C3orf20: variants seen among roughly 807,000 people sequenced by gnomAD.
C3orf20 encodes family with sequence similarity 149 member C.
In C3orf20, 76 loss-of-function variants were observed where a neutral mutation model predicts 88.3. The ratio of observed to expected loss-of-function variants is 0.86; its 90% CI spans 0.72 to 1.04. The LOEUF (loss-of-function observed/expected upper bound fraction) is 1.04. Ranked by LOEUF, C3orf20 falls within the 50% of genes least tolerant of loss-of-function variation. The pLI is 0.00. For synonymous variants in C3orf20, 436 were observed against 437.4 expected (o/e 1.00, Z 0.04); for missense variants, 1,056 against 1,123.3 (o/e 0.94, Z 0.86).
intron 9 of C3orf20, among the ~76,000 whole-genome samples, chr3:14,720,407 G>A (rs2034111384): frequency 6.6e-6 from 1 of 152,148 alleles, no homozygotes; most frequent in African/African-American, 2.4e-5. Flanking sequence ...GTGCTTTCAG[G>A]GTGCTGGAGG....
At chr3:14,767,580 G>A (rs2035749996) in intron 15 of C3orf20, 1 of 152,278 alleles carries the variant, frequency 6.6e-6, no homozygotes, top group Non-Finnish European at 1.5e-5. Context: ...ATGACAAAGT[G>A]TTCCTTAAAC....
chr3:14,704,610 C>G lies in C3orf20; in HGVS notation c.1152C>G (p.Ser384=), dbSNP rs144925116. The part of the protein sequence containing the change: ...KFHYTFYDGS[S]FVYYPSGNVA... ...ATTACACCTTCTATGATGGCTCCTC[C>G]TTCGTTTAGTATCCTTTTATTTGGT... The change falls in exon 7 of 17, where the codon TCC becomes TCG. Residue 384 remains serine (S), a synonymous_variant. Transcript: ENST00000253697. The G allele has an allele frequency of 1.4e-4, 226 of 1,613,346 alleles. 1 individual carries two copies. In the African/African-American group the frequency reaches 2.7e-3, roughly 20 times the overall value.
chr3:14,767,789 G>A (rs1356117839), intron 15 of C3orf20, among the ~76,000 whole-genome samples: 2 of 152,240 alleles, frequency 1.3e-5, no homozygotes, highest in Non-Finnish European at 2.9e-5. Flanking sequence ...ACTGCTGTGC[G>A]CCCTCACGGG....
rs1299839486 is a variant in C3orf20 at position 14,683,135 on chromosome 3, C to T, written c.422C>T (p.Ser141Phe). Residue 141 changes from serine (S) to phenylalanine (F), a missense_variant, in exon 3 of 17, where the codon TCC (serine) becomes TTC (phenylalanine). Coordinates refer to ENST00000253697, the MANE Select transcript of C3orf20 (RefSeq NM_032137.5). Reference protein sequence around the residue: ...QETLNRFQQQSIHLLTELLRL... With the variant: ...QETLNRFQQQFIHLLTELLRL... ...ACCCTGAACAGGTTTCAGCAGCAGT[C>T]CATCCACCTGCTGACGGAGCTCCTC... 1.2e-6 allele frequency: 2 copies of T among 1,613,694 alleles called. No homozygotes were observed. The highest frequency in any genetic ancestry group is 2.7e-5 in the African/African-American group (2 of 75,034).
chr3:14,675,690 G>GTTAT (rs113175157), intron 1 of C3orf20, among the ~76,000 whole-genome samples: 58 of 150,470 alleles, frequency 3.9e-4, no homozygotes, highest in African/African-American at 1.1e-3. Context: ...TTTTGTTTTT[G>GTTAT]TTATTTATTT....
At chr3:14,743,185 A>G (rs971628321) in intron 12 of C3orf20, among the ~76,000 whole-genome samples, 1 of 152,028 alleles carries the variant, frequency 6.6e-6, no homozygotes, top group Non-Finnish European at 1.5e-5. Context: ...AAAGCAAGCT[A>G]GCTACTTCCT....
intron 4 of C3orf20, among the ~76,000 whole-genome samples, chr3:14,684,868 C>T (rs1454034683): frequency 1.3e-5 from 2 of 152,160 alleles, no homozygotes; most frequent in East Asian, 3.9e-4. Context: ...GAAGCTCACA[C>T]ATGTTCCAGA....
At position 14,703,270 on chromosome 3, in the gene C3orf20, C is replaced by G; in HGVS notation, c.878+8C>G. The G allele has an allele frequency of 6.2e-7, 1 of 1,614,044 alleles. No individual in the cohort carries two copies. The highest frequency in any genetic ancestry group is 1.1e-5 in the South Asian group (1 of 91,084). On this transcript the variant is annotated splice_region_variant and intron_variant, in intron 6 of 16. Coordinates refer to ENST00000253697, the MANE Select transcript of C3orf20 (RefSeq NM_032137.5). ...GGAGTTGTGTCGCCACATGTGAGCA[C>G]CTCAGTGCTTGGGTCGGGGGAGTCA...
At chr3:14,744,579 G>A (rs1033207344) in intron 12 of C3orf20, among the ~76,000 whole-genome samples, 3 of 151,820 alleles carry the variant, frequency 2.0e-5, no homozygotes, top group African/African-American at 4.9e-5. Context: ...GTATTAGTTC[G>A]TTTTCACACT....
intron 12 of C3orf20, among the ~76,000 whole-genome samples, chr3:14,731,947 G>A (rs141904729): frequency 1.6e-4 from 24 of 152,308 alleles, no homozygotes; most frequent in African/African-American, 5.5e-4. Context: ...TGATAAAACT[G>A]CTATAAATAC....
intron 12 of C3orf20, among the ~76,000 whole-genome samples, chr3:14,740,366 A>G (rs570786748): frequency 2.8e-4 from 42 of 152,326 alleles, no homozygotes; most frequent in African/African-American, 8.9e-4. Flanking sequence ...ATATTTGTCA[A>G]TTAAGTTTGC....
At chr3:14,753,158 A>G (rs2035267436) in intron 12 of C3orf20, among the ~76,000 whole-genome samples, 1 of 152,258 alleles carries the variant, frequency 6.6e-6, no homozygotes, top group Non-Finnish European at 1.5e-5. Flanking sequence ...CTATGCAGCC[A>G]TAAAAAAGGA....
rs2034830724 is a variant in C3orf20, at chr3:14,739,348, C to CAGT, written c.1940+10662_1940+10664dup. On this transcript the variant is annotated intron_variant, in intron 12 of 16. Coordinates refer to ENST00000253697, the MANE Select transcript of C3orf20 (RefSeq NM_032137.5). ...GGTGACCAGGTGCATTGTCAATGAG[C>CAGT]AGTATTATTTTGAAAGGAATCTTTT... Among the ~76,000 whole-genome samples the CAGT allele has an allele frequency of 2.6e-5, 4 of 152,130 alleles. No homozygotes were observed. The South Asian group carries it at 8.3e-4, about 31-fold the overall frequency.
At chr3:14,744,037 T>C (rs944554756) in intron 12 of C3orf20, among the ~76,000 whole-genome samples, 1 of 152,100 alleles carries the variant, frequency 6.6e-6, no homozygotes, top group African/African-American at 2.4e-5. Flanking sequence ...CTTATGCAAA[T>C]TTCTGCAGCC....
chr3:14,717,862 T>C (rs897600747), intron 9 of C3orf20, among the ~76,000 whole-genome samples: 4 of 152,334 alleles, frequency 2.6e-5, no homozygotes, highest in South Asian at 4.1e-4. Context: ...ATTTTTATTT[T>C]CTTTCAGCAT....
At chr3:14,719,961 C>T (rs2034087577) in intron 9 of C3orf20, among the ~76,000 whole-genome samples, 1 of 152,174 alleles carries the variant, frequency 6.6e-6, no homozygotes, top group African/African-American at 2.4e-5. Flanking sequence ...CTCTATACTA[C>T]ATCTCTCTAG....
At chr3:14,749,102 G>A (rs189845242) in intron 12 of C3orf20, among the ~76,000 whole-genome samples, 3 of 152,070 alleles carry the variant, frequency 2.0e-5, no homozygotes, top group African/African-American at 4.8e-5. Context: ...ATTCTGTCAG[G>A]TTTTGCTTCA....
Position 14,682,995 on chromosome 3 carries a change from A to G in C3orf20, c.282A>G (p.Pro94=), listed in dbSNP as rs1333008743. ...TFVQVPTLKK[P]LPPPPPAPPR... ...TGCAGGTCCCCACACTGAAGAAGCC[A>G]CTACCTCCACCACCACCAGCACCAC... Residue 94 remains proline, a synonymous_variant, in exon 3 of 17, where the codon CCA becomes CCG. Coordinates refer to ENST00000253697, the MANE Select transcript of C3orf20 (RefSeq NM_032137.5). The G allele has an allele frequency of 6.2e-7, 1 of 1,613,680 alleles. No individual in the cohort carries two copies. Among genetic ancestry groups the G allele is most frequent in the South Asian group, 1.1e-5 (1 of 91,060 alleles).
At chr3:14,755,908 A>G (rs1309617330) in intron 12 of C3orf20, among the ~76,000 whole-genome samples, 1 of 151,710 alleles carries the variant, frequency 6.6e-6, no homozygotes, top group African/African-American at 2.4e-5. Context: ...GGGCGCCTGT[A>G]GTCCCAGCTA....
Sources: gnomAD v4.1 joint callset for allele counts (sites outside exome capture counted in the v4.1 genomes callset) on GRCh38, gnomAD v4.1.1 for gene constraint, MANE v1.5 for transcripts, NCBI Gene and HGNC (gene_info 2026-07-23, HGNC 2026-07-21) for gene names.